Variants in ATP9B observed in about 807,000 individuals in gnomAD.
ATP9B encodes the protein ATPase phospholipid transporting 9B, also known as probable phospholipid-transporting ATPase IIB.
ATP9B carries 110 observed loss-of-function variants against 146.1 expected under a neutral mutation model. That is an observed-to-expected ratio of 0.75 (90% CI 0.65 to 0.88). The LOEUF is 0.88. ATP9B is among the 40% of genes least tolerant of loss of function. ATP9B has a pLI of 0.00. For missense variants in ATP9B, 1,499 were observed against 1,496.4 expected, an observed-to-expected ratio of 1.00 and a Z score of -0.03; for synonymous variants, 604 against 569.7, an observed-to-expected ratio of 1.06 and a Z score of -0.86.
chr18:79,307,979 G>A (rs1051822180), intron 15 of ATP9B, among the ~76,000 whole-genome samples: 24 of 151,390 alleles, frequency 1.6e-4, no homozygotes, highest in Admixed American at 1.1e-3. Flanking sequence ...AATAATTGGT[G>A]GGGGCAGGGC....
At chr18:79,077,091 T>C (rs2072711961) in intron 1 of ATP9B, among the ~76,000 whole-genome samples, 2 of 152,254 alleles carry the variant, frequency 1.3e-5, no homozygotes, top group South Asian at 4.1e-4. Flanking sequence ...TTAGATAATT[T>C]CAGTATCTGT....
At chr18:79,114,042 C>T (rs987273096) in intron 4 of ATP9B, among the ~76,000 whole-genome samples, 2 of 152,122 alleles carry the variant, frequency 1.3e-5, no homozygotes, top group African/African-American at 4.8e-5. Flanking sequence ...ACAATCTCGG[C>T]CCACTGCAAC....
intron 1 of ATP9B, among the ~76,000 whole-genome samples, chr18:79,088,417 A>C (rs2074030510): frequency 6.6e-6 from 1 of 152,242 alleles, no homozygotes; most frequent in Non-Finnish European, 1.5e-5. Flanking sequence ...GAGAAGAAAA[A>C]AATGACATTT....
intron 29 of ATP9B, chr18:79,376,036 C>T: frequency 1.0e-6 from 1 of 985,200 alleles, no homozygotes; most frequent in Non-Finnish European, 1.2e-6. Context: ...GGGAGGGTGA[C>T]AGGCGAGAAC....
chr18:79,345,775 G>T lies in ATP9B; in HGVS notation c.2618G>T (p.Gly873Val), dbSNP rs781164325. The T allele has an allele frequency of 6.2e-7, 1 of 1,614,270 alleles. No homozygotes were observed. The highest frequency in any genetic ancestry group is 8.5e-7 in the Non-Finnish European group (1 of 1,180,046). The change falls in exon 23 of 30, where the codon GGT becomes GTT. Residue 873 changes from glycine (G) to valine (V), a missense_variant and splice_region_variant. By Grantham distance (109) the Gly-to-Val change is moderately radical. Coordinates refer to ENST00000426216, the MANE Select transcript of ATP9B (RefSeq NM_198531.5). Reference protein sequence around the residue: ...QHTGRRTCAIGDGGNDVSMIQ... With the variant: ...QHTGRRTCAIVDGGNDVSMIQ... ...TCATCTCACTTTTCTTGCTTCGCAG[G>T]TGATGGAGGAAATGATGTCAGCATG...
At chr18:79,285,083 G>A (rs1377000698) in intron 13 of ATP9B, among the ~76,000 whole-genome samples, 5 of 151,034 alleles carry the variant, frequency 3.3e-5, no homozygotes, top group South Asian at 2.1e-4. Context: ...ATAAACATAC[G>A]TGTGCATGTG....
At position 79,264,756 on chromosome 18, in the gene ATP9B, G is replaced by A. The variant is rs189315207; in HGVS notation, c.1268+11215G>A. On this transcript the variant is annotated intron_variant, in intron 12 of 29. Transcript: ENST00000426216. ...ACCAATTGTCTCAGCACCAGTTATAGAAAAGACTTTTCCCAGTGACCTAGT... is the reference window on the plus strand; with the variant it reads ...ACCAATTGTCTCAGCACCAGTTATAAAAAAGACTTTTCCCAGTGACCTAGT... Among the ~76,000 whole-genome samples the A allele has an allele frequency of 1.7e-3, 253 of 151,844 alleles. 2 individuals carry two copies. The highest frequency in any genetic ancestry group is 2.8e-3 in the Non-Finnish European group (193 of 67,954).
At chr18:79,354,069 A>C (rs181519329) in intron 25 of ATP9B, 1 of 152,354 alleles carries the variant, frequency 6.6e-6, no homozygotes, top group African/African-American at 2.4e-5. Flanking sequence ...AACCTACAAT[A>C]GTTTTAAAAA....
chr18:79,287,304 T>C (rs1004932769), intron 13 of ATP9B, among the ~76,000 whole-genome samples: 1 of 152,238 alleles, frequency 6.6e-6, no homozygotes, highest in Non-Finnish European at 1.5e-5. Flanking sequence ...GAGCCTGTTA[T>C]TGGTCTATTC....
chr18:79,170,748 G>C (rs2095058099), intron 7 of ATP9B, among the ~76,000 whole-genome samples: 1 of 152,160 alleles, frequency 6.6e-6, no homozygotes, highest in Non-Finnish European at 1.5e-5. Context: ...TCTCCTGCAT[G>C]TCAGATTAGT....
intron 1 of ATP9B, 94 bp from the exon 2 acceptor site, chr18:79,096,382 A>G (rs2074782167): frequency 8.5e-7 from 1 of 1,178,884 alleles, no homozygotes; most frequent in Non-Finnish European, 1.2e-6. Flanking sequence ...TCAGCTGAAG[A>G]CAGCCTAATT....
chr18:79,292,616 C>T (rs1599691108), intron 13 of ATP9B, among the ~76,000 whole-genome samples: 1 of 148,770 alleles, frequency 6.7e-6, no homozygotes, highest in African/African-American at 2.5e-5. Context: ...ATGGCTACAA[C>T]AATCTTGAAA....
At chr18:79,359,700 T>G (rs2096976127) in intron 26 of ATP9B, 1 of 495,376 alleles carries the variant, frequency 2.0e-6, no homozygotes, top group African/African-American at 1.9e-5. Context: ...GCAATAAAGC[T>G]CTAATATCAT....
At chr18:79,231,803 T>TATATATATACACACACACAC (rs569726473) in intron 11 of ATP9B, among the ~76,000 whole-genome samples, 3 of 114,760 alleles carry the variant, frequency 2.6e-5, no homozygotes, top group African/African-American at 1.0e-4. Flanking sequence ...TATATATATA[T>TATATATATACACACACACAC]ACACACACAC....
At chr18:79,191,117 G>A (rs1294088444) in intron 8 of ATP9B, among the ~76,000 whole-genome samples, 1 of 152,048 alleles carries the variant, frequency 6.6e-6, no homozygotes, top group Non-Finnish European at 1.5e-5. Context: ...TGACAAGTCT[G>A]CCTTCCACAC....
At chr18:79,217,019 T>C (rs2095633132) in intron 11 of ATP9B, among the ~76,000 whole-genome samples, 1 of 152,204 alleles carries the variant, frequency 6.6e-6, no homozygotes, top group South Asian at 2.1e-4. Flanking sequence ...GTATTATGTC[T>C]TGAATCCACA....
intron 26 of ATP9B, among the ~76,000 whole-genome samples, chr18:79,367,270 A>G (rs2097037892): frequency 7.2e-6 from 1 of 139,538 alleles, no homozygotes. Flanking sequence ...GTACGCAGAG[A>G]AAGTGCCTCC....
At chr18:79,150,661 A>G (rs1226085430) in intron 6 of ATP9B, among the ~76,000 whole-genome samples, 1 of 152,204 alleles carries the variant, frequency 6.6e-6, no homozygotes, top group Non-Finnish European at 1.5e-5. Context: ...AAGACAGAAT[A>G]AGGACATAAA....
At chr18:79,346,309 C>T (rs1256997601) in intron 23 of ATP9B, among the ~76,000 whole-genome samples, 1 of 150,420 alleles carries the variant, frequency 6.6e-6, no homozygotes, top group Non-Finnish European at 1.5e-5. Context: ...ACACTTGGCA[C>T]ACTCGTTTAG....
Sources: gnomAD v4.1 joint callset for allele counts (sites outside exome capture counted in the v4.1 genomes callset) on GRCh38, gnomAD v4.1.1 for gene constraint, MANE v1.5 for transcripts, NCBI Gene and HGNC (gene_info 2026-07-23, HGNC 2026-07-21) for gene names.